CLSTN2: variants seen among roughly 807,000 people sequenced by gnomAD.
CLSTN2 encodes calsyntenin-2.
CLSTN2 carries 48 observed loss-of-function variants against 101.2 expected under a neutral mutation model. The observed-to-expected ratio is 0.47, with a 90% CI of 0.38 to 0.60. The LOEUF (loss-of-function observed/expected upper bound fraction) is 0.60, where lower values mean the gene tolerates loss of function less well. Among genes scored for constraint, CLSTN2 ranks in the 20% least tolerant of loss-of-function variants. CLSTN2 has a pLI of 0.00. For missense variants in CLSTN2, 1,160 were observed against 1,238.2 expected (o/e 0.94, Z 0.95); for synonymous variants, 481 against 463.6 (o/e 1.04, Z -0.48).
intron 2 of CLSTN2, among the ~76,000 whole-genome samples, chr3:140,315,933 C>A (rs1224966777): frequency 6.6e-6 from 1 of 152,124 alleles, no homozygotes; most frequent in Non-Finnish European, 1.5e-5. Flanking sequence ...CTCTCCAAGG[C>A]AATTGATCAG....
intron 2 of CLSTN2, among the ~76,000 whole-genome samples, chr3:140,382,341 G>A (rs1055914638): frequency 1.3e-5 from 2 of 152,166 alleles, no homozygotes; most frequent in Non-Finnish European, 2.9e-5. Flanking sequence ...GTGGGTGCTG[G>A]ACTGTTATGT....
intron 1 of CLSTN2, among the ~76,000 whole-genome samples, chr3:139,949,561 G>T (rs1010937767): frequency 6.6e-6 from 1 of 152,190 alleles, no homozygotes; most frequent in Non-Finnish European, 1.5e-5. Context: ...TATAAGTTAT[G>T]GCTGGGGAGC....
rs116163885 is a variant in CLSTN2, at chr3:140,145,317, C to G, written c.110-30634C>G. ...CAGGGAAATCCATAACATCTTTGAG[C>G]CTGGTATAGCCTGATCTGTATAAAG... On this transcript the variant is annotated intron_variant, in intron 1 of 16. Transcript: ENST00000458420. Among the ~76,000 whole-genome samples the G allele has an allele frequency of 7.2e-4, 110 of 152,276 alleles. No homozygotes were observed. The Middle Eastern group carries it at 0.01, about 14-fold the overall frequency.
intron 2 of CLSTN2, among the ~76,000 whole-genome samples, chr3:140,204,691 G>T (rs2010758310): frequency 6.6e-6 from 1 of 152,182 alleles, no homozygotes; most frequent in African/African-American, 2.4e-5. Context: ...ATGCCCAAAT[G>T]TCCCTGCCTG....
Position 140,567,718 on chromosome 3 carries a change from C to G in CLSTN2, c.*1465C>G, listed in dbSNP as rs1295269166. 1.3e-5 allele frequency: 2 copies of G among 152,188 alleles called. No homozygotes were observed. The highest frequency in any genetic ancestry group is 2.9e-5 in the Non-Finnish European group (2 of 68,024). The allele number at this position is 152,188 out of a possible 1,614,324, so 9.4% of individuals were successfully genotyped here. ...GTATGCTCTGTCCCCATCCTTCACT[C>G]CTCCTCAAGCTCACACCAATTGGTT... On this transcript the variant is annotated 3_prime_UTR_variant, in exon 17 of 17. Transcript: ENST00000458420.
At chr3:139,968,725 A>T (rs1935645666) in intron 1 of CLSTN2, among the ~76,000 whole-genome samples, 1 of 152,242 alleles carries the variant, frequency 6.6e-6, no homozygotes, top group Non-Finnish European at 1.5e-5. Context: ...TGGATTCTGA[A>T]GTATTCCAGA....
At chr3:140,293,569 A>G (rs918216030) in intron 2 of CLSTN2, among the ~76,000 whole-genome samples, 2 of 152,166 alleles carry the variant, frequency 1.3e-5, no homozygotes, top group African/African-American at 4.8e-5. Context: ...AGTGGAAAGG[A>G]TGAAATTAAG....
chr3:140,101,425 A>C (rs2008962996), intron 1 of CLSTN2, among the ~76,000 whole-genome samples: 1 of 152,232 alleles, frequency 6.6e-6, no homozygotes, highest in South Asian at 2.1e-4. Flanking sequence ...CCACCACTAG[A>C]CATCAGGTTG....
intron 1 of CLSTN2, among the ~76,000 whole-genome samples, chr3:139,947,442 C>A (rs1304185499): frequency 6.6e-6 from 1 of 152,148 alleles, no homozygotes; most frequent in Non-Finnish European, 1.5e-5. Flanking sequence ...AAGCCAAGAA[C>A]TAAAATGTTA....
chr3:140,022,882 G>A (rs535740490), intron 1 of CLSTN2, among the ~76,000 whole-genome samples: 2 of 152,226 alleles, frequency 1.3e-5, no homozygotes, highest in Admixed American at 6.5e-5. Flanking sequence ...ATGGAAAGGA[G>A]CAGATCCCTG....
At chr3:140,203,461 G>GTTT (rs58182333) in intron 2 of CLSTN2, among the ~76,000 whole-genome samples, 1,095 of 67,944 alleles carry the variant, frequency 0.016, 46 homozygotes, top group Middle Eastern at 0.026. Context: ...GAAAGTGTGG[G>GTTT]TTTTTTTTTT....
intron 1 of CLSTN2, among the ~76,000 whole-genome samples, chr3:140,074,453 C>T (rs1376666648): frequency 5.3e-5 from 8 of 152,230 alleles, no homozygotes; most frequent in Admixed American, 1.3e-4. Flanking sequence ...AAATGACTGC[C>T]GAGCAGATGG....
At position 140,091,988 on chromosome 3, in the gene CLSTN2, G is replaced by A. The variant is rs79446320; in HGVS notation, c.110-83963G>A. On this transcript the variant is annotated intron_variant, in intron 1 of 16. Transcript: ENST00000458420. ...AGTAAGGATTCTCTAATTCAAGTCT[G>A]GCTGTGCCTCAATCCAGGAAGCTTT... 3.8e-3 allele frequency among the ~76,000 whole-genome samples: 572 copies of A among 152,268 alleles called. 5 individuals carry two copies. Among genetic ancestry groups the A allele is most frequent in the African/African-American group, 0.012 (504 of 41,548 alleles).
At chr3:140,079,589 A>G (rs150401323) in intron 1 of CLSTN2, among the ~76,000 whole-genome samples, 103 of 152,182 alleles carry the variant, frequency 6.8e-4, no homozygotes, top group African/African-American at 2.4e-3. Context: ...ATCTTTACTA[A>G]AAATATAAAA....
At chr3:139,950,458 A>G (rs1253148297) in intron 1 of CLSTN2, among the ~76,000 whole-genome samples, 1 of 152,222 alleles carries the variant, frequency 6.6e-6, no homozygotes, top group Non-Finnish European at 1.5e-5. Context: ...TTGAGCCAAG[A>G]TAGAATAGAC....
chr3:140,307,318 C>T (rs13322004), intron 2 of CLSTN2, among the ~76,000 whole-genome samples: 28,650 of 152,148 alleles, frequency 0.19, 2,833 homozygotes, highest in East Asian at 0.35. Context: ...GTCTAGCTTC[C>T]TGCTACACAC....
intron 9 of CLSTN2, among the ~76,000 whole-genome samples, chr3:140,544,069 C>A (rs1040976042): frequency 1.9e-4 from 29 of 152,330 alleles, no homozygotes; most frequent in African/African-American, 6.7e-4. Flanking sequence ...CCACAGGGCC[C>A]ACCACTCTGC....
intron 4 of CLSTN2, among the ~76,000 whole-genome samples, chr3:140,412,656 A>G (rs1252635675): frequency 6.6e-6 from 1 of 152,220 alleles, no homozygotes; most frequent in Non-Finnish European, 1.5e-5. Context: ...CACTATAGCC[A>G]TTAAGTCTTA....
At chr3:140,084,755 CAG>C (rs61476199) in intron 1 of CLSTN2, among the ~76,000 whole-genome samples, 149,255 of 152,210 alleles carry the variant, frequency 0.98, 73,193 homozygotes, top group Middle Eastern at 1. Context: ...AAAGGCATTC[CAG>C]CCCCAGCAGA....
Sources: gnomAD v4.1 joint callset for allele counts (sites outside exome capture counted in the v4.1 genomes callset) on GRCh38, gnomAD v4.1.1 for gene constraint, MANE v1.5 for transcripts, NCBI Gene and HGNC (gene_info 2026-07-23, HGNC 2026-07-21) for gene names.